The following CFAP20DC variants were observed in gnomAD, a reference collection of about 807,000 sequenced individuals.
CFAP20DC encodes protein CFAP20DC.
CFAP20DC carries 84 observed loss-of-function variants against 101.7 expected under a neutral mutation model. That is an observed-to-expected ratio of 0.83 (90% confidence interval 0.69 to 0.99). The LOEUF (loss-of-function observed/expected upper bound fraction) is 0.99. CFAP20DC is among the 50% of genes least tolerant of loss of function. CFAP20DC has a pLI of 0.00. For missense variants in CFAP20DC, 1,007 were observed against 970.3 expected, an observed-to-expected ratio of 1.04 and a Z score of -0.50; for synonymous variants, 359 against 351.2, an observed-to-expected ratio of 1.02 and a Z score of -0.25.
chr3:59,033,707 A>T (rs1010155601), intron 4 of CFAP20DC, among the ~76,000 whole-genome samples: 1 of 152,232 alleles, frequency 6.6e-6, no homozygotes, highest in Non-Finnish European at 1.5e-5. Context: ...ATGTGAAAAT[A>T]CCAAACCTAT....
intron 6 of CFAP20DC, among the ~76,000 whole-genome samples, chr3:58,886,805 A>G (rs1158539497): frequency 3.3e-5 from 5 of 152,208 alleles, no homozygotes; most frequent in Non-Finnish European, 7.3e-5. Context: ...TGGTTAGCTC[A>G]AGCATAGTTT....
At chr3:58,967,358 A>G (rs538142721) in intron 4 of CFAP20DC, among the ~76,000 whole-genome samples, 1 of 152,336 alleles carries the variant, frequency 6.6e-6, no homozygotes, top group Admixed American at 6.5e-5. Context: ...ATATACACAA[A>G]TTAACTCAAA....
intron 4 of CFAP20DC, among the ~76,000 whole-genome samples, chr3:58,949,981 G>C (rs1250036807): frequency 6.6e-6 from 1 of 152,176 alleles, no homozygotes; most frequent in African/African-American, 2.4e-5. Context: ...GAGTCCAGTT[G>C]TCCCTGTTTG....
intron 4 of CFAP20DC, among the ~76,000 whole-genome samples, chr3:58,993,173 A>G (rs965881017): frequency 3.3e-5 from 5 of 152,240 alleles, no homozygotes; most frequent in African/African-American, 1.2e-4. Context: ...GATTTTCTAC[A>G]TAAACTATGC....
intron 14 of CFAP20DC, among the ~76,000 whole-genome samples, chr3:58,816,994 G>A (rs1314690122): frequency 6.6e-6 from 1 of 152,174 alleles, no homozygotes; most frequent in Admixed American, 6.5e-5. Context: ...TGACCCCCGA[G>A]CAGCCTAACT....
intron 4 of CFAP20DC, among the ~76,000 whole-genome samples, chr3:58,961,729 T>A (rs539725613): frequency 6.6e-6 from 1 of 151,834 alleles, no homozygotes; most frequent in Admixed American, 6.6e-5. Context: ...AATTTTCTGT[T>A]TTTTTTTTCT....
In CFAP20DC at chr3:58,883,682, C is replaced by T. The variant is rs192385900; in HGVS notation, c.715+863G>A. Among the ~76,000 whole-genome samples, 51 of 152,262 alleles carry T rather than the reference C, an allele frequency of 3.3e-4. 1 individual carries two copies. The South Asian group carries it at 7.0e-3, about 21-fold the overall frequency. ...CATCATTTTACCTTTCATTCAAATA[C>T]TTCAGTGTTTGTGAGTGTCACCTGA... On this transcript the variant is annotated intron_variant, in intron 7 of 16. Coordinates refer to ENST00000482387, the MANE Select transcript of CFAP20DC (RefSeq NM_001394063.1).
intron 4 of CFAP20DC, among the ~76,000 whole-genome samples, chr3:58,974,333 C>T (rs1290285681): frequency 1.3e-5 from 2 of 152,054 alleles, no homozygotes; most frequent in Admixed American, 6.6e-5. Flanking sequence ...ATGTTTAGCT[C>T]CCACTTTAAG....
chr3:59,000,414 G>A (rs1304620861), intron 4 of CFAP20DC, among the ~76,000 whole-genome samples: 1 of 152,278 alleles, frequency 6.6e-6, no homozygotes, highest in Admixed American at 6.5e-5. Flanking sequence ...TGGAGTCAGG[G>A]AATCTGAGCA....
chr3:58,974,129 G>A (rs765023053), intron 4 of CFAP20DC, among the ~76,000 whole-genome samples: 2 of 152,066 alleles, frequency 1.3e-5, no homozygotes, highest in Non-Finnish European at 2.9e-5. Context: ...TTGTTTTGGG[G>A]GTACATGTGA....
chr3:58,792,933 GAGA>G (rs1198898748), intron 15 of CFAP20DC, among the ~76,000 whole-genome samples: 2 of 152,068 alleles, frequency 1.3e-5, no homozygotes, highest in African/African-American at 4.8e-5. Context: ...TGCTAGTTTA[GAGA>G]AGAACTGATT....
chr3:58,823,076 A>T (rs1287705494), intron 14 of CFAP20DC, among the ~76,000 whole-genome samples: 1 of 151,986 alleles, frequency 6.6e-6, no homozygotes, highest in East Asian at 1.9e-4. Flanking sequence ...TCTTCATCAA[A>T]CCTGGAGTAA....
chr3:59,026,410 T>A (rs1214994223), intron 4 of CFAP20DC, among the ~76,000 whole-genome samples: 1 of 152,164 alleles, frequency 6.6e-6, no homozygotes, highest in African/African-American at 2.4e-5. Flanking sequence ...TTGGTTAACA[T>A]CTCTTTTACA....
chr3:58,878,692 T>C (rs535940878), intron 7 of CFAP20DC, among the ~76,000 whole-genome samples: 1 of 152,170 alleles, frequency 6.6e-6, no homozygotes, highest in East Asian at 1.9e-4. Context: ...TCATGAGAAA[T>C]TGCTTAAAGG....
rs1264545810 is a variant in CFAP20DC, at chr3:58,897,623, C to CT, written c.551-12915dup. Among the ~76,000 whole-genome samples, 1 of 152,140 alleles carries CT rather than the reference C, an allele frequency of 6.6e-6. No homozygotes were observed. Among genetic ancestry groups the CT allele is most frequent in the East Asian group, 1.9e-4 (1 of 5,194 alleles). On this transcript the variant is annotated intron_variant, in intron 6 of 16. Transcript: ENST00000482387. This position sits in a 1 kb window ranked among gnomAD's most constrained non-coding sequence, Gnocchi z 4.4. The stretch of plus-strand genomic sequence containing the variant: ...TGCTTGTCTGAAAATTATCTTATTT[C>CT]TTTTCACTTTTGAAGGTTAGTTTGG...
chr3:58,840,639 C>T (rs572558849), intron 13 of CFAP20DC, among the ~76,000 whole-genome samples: 4 of 152,100 alleles, frequency 2.6e-5, no homozygotes, highest in Non-Finnish European at 5.9e-5. Context: ...TAGAACAGTA[C>T]CTGTAATTAA....
intron 13 of CFAP20DC, among the ~76,000 whole-genome samples, chr3:58,843,219 T>A (rs1317667483): frequency 6.6e-6 from 1 of 152,122 alleles, no homozygotes; most frequent in Admixed American, 6.5e-5. Flanking sequence ...GACTCTGAGC[T>A]ACGGGAGGAC....
intron 3 of CFAP20DC, chr3:58,726,157 T>G (rs1030444469): frequency 2.6e-5 from 4 of 152,218 alleles, no homozygotes; most frequent in African/African-American, 9.7e-5. Context: ...ATCTGACCAT[T>G]TCAATACCAT....
At chr3:58,750,909 T>C (rs938690120) in intron 16 of CFAP20DC, among the ~76,000 whole-genome samples, 1 of 152,198 alleles carries the variant, frequency 6.6e-6, no homozygotes, top group Non-Finnish European at 1.5e-5. Flanking sequence ...TGCCAAAATA[T>C]ATGGGTCAAA....
Sources: allele counts gnomAD v4.1 joint callset (sites outside exome capture counted in the v4.1 genomes callset), GRCh38; gene constraint gnomAD v4.1.1; non-coding constraint Gnocchi (gnomAD v3.1); transcripts MANE v1.5; gene names NCBI Gene and HGNC (gene_info 2026-07-23, HGNC 2026-07-21).